The following ST8SIA6 variants were observed in gnomAD, a reference collection of about 807,000 sequenced individuals.
ST8SIA6 encodes the protein alpha-2,8-sialyltransferase 8F.
A neutral mutation model predicts 33.6 loss-of-function variants in ST8SIA6; 39 were observed. The observed-to-expected ratio is 1.16, with a 90% CI of 0.90 to 1.52. The LOEUF is 1.52. Among genes scored for constraint, ST8SIA6 ranks in the 40% most tolerant of loss-of-function variants. ST8SIA6 has a pLI of 0.00. For missense variants in ST8SIA6, 441 were observed against 443.8 expected (o/e 0.99, Z 0.06); for synonymous variants, 172 against 167.2 (o/e 1.03, Z -0.22).
chr10:17,415,453 G>C (rs988757560), intron 2 of ST8SIA6, among the ~76,000 whole-genome samples: 1 of 152,178 alleles, frequency 6.6e-6, no homozygotes, highest in African/African-American at 2.4e-5. Context: ...CAGGAGTCCA[G>C]ATGGGCTTTG....
intron 4 of ST8SIA6, among the ~76,000 whole-genome samples, chr10:17,341,260 G>A (rs940843040): frequency 3.3e-5 from 5 of 152,142 alleles, no homozygotes; most frequent in Admixed American, 6.5e-5. Flanking sequence ...GATCTGTTGT[G>A]GAAGCTTACT....
intron 2 of ST8SIA6, chr10:17,409,875 C>T (rs574484014): frequency 6.6e-6 from 1 of 152,476 alleles, no homozygotes; most frequent in African/African-American, 2.4e-5. Context: ...AACTCCATCA[C>T]AAACAAACAA....
chr10:17,359,318 A>G (rs1189487161), intron 4 of ST8SIA6, among the ~76,000 whole-genome samples, 196 bp downstream of exon 4: 2 of 152,328 alleles, frequency 1.3e-5, no homozygotes, highest in Non-Finnish European at 2.9e-5. Flanking sequence ...TTCAAACAGT[A>G]ACATAATGCA....
intron 4 of ST8SIA6, among the ~76,000 whole-genome samples, chr10:17,348,221 C>CTTTT (rs202024746): frequency 7.6e-6 from 1 of 131,830 alleles, no homozygotes; most frequent in Non-Finnish European, 1.6e-5. Context: ...GAGTAGGAAC[C>CTTTT]TTTTTTTTTT....
At chr10:17,407,473 G>A (rs1851309758) in intron 2 of ST8SIA6, among the ~76,000 whole-genome samples, 1 of 152,176 alleles carries the variant, frequency 6.6e-6, no homozygotes. Flanking sequence ...CAGATCACCA[G>A]TTACCTCACT....
chr10:17,346,629 G>C (rs1848846378), intron 4 of ST8SIA6, among the ~76,000 whole-genome samples: 1 of 152,032 alleles, frequency 6.6e-6, no homozygotes, highest in African/African-American at 2.4e-5. Flanking sequence ...AAATTCCCCA[G>C]CTGAGCCCAG....
intron 4 of ST8SIA6, among the ~76,000 whole-genome samples, chr10:17,345,364 G>C (rs997027461): frequency 6.6e-6 from 1 of 152,196 alleles, no homozygotes; most frequent in Non-Finnish European, 1.5e-5. Context: ...CCACAATCAT[G>C]CAAGCCCAAG....
chr10:17,377,311 G>C (rs4323783), intron 3 of ST8SIA6, among the ~76,000 whole-genome samples: 28,516 of 151,862 alleles, frequency 0.19, 3,034 homozygotes, highest in East Asian at 0.51. Flanking sequence ...CTCCCTTTTC[G>C]GACTTGGTCT....
chr10:17,374,661 C>T (rs537464922), intron 3 of ST8SIA6, among the ~76,000 whole-genome samples: 22 of 149,742 alleles, frequency 1.5e-4, no homozygotes, highest in African/African-American at 4.4e-4. Flanking sequence ...TTGCAGTGAG[C>T]GGAGATCGTA....
intron 3 of ST8SIA6, chr10:17,387,042 A>C (rs1850391425): frequency 6.6e-6 from 1 of 152,328 alleles, no homozygotes; most frequent in East Asian, 1.9e-4. Context: ...GCTCCAAAGA[A>C]AAGCCGGATG....
At chr10:17,323,481 G>A (rs1321048809) in intron 6 of ST8SIA6, among the ~76,000 whole-genome samples, 1 of 138,430 alleles carries the variant, frequency 7.2e-6, no homozygotes, top group East Asian at 2.3e-4. Flanking sequence ...TGCAACCTCC[G>A]CCTCTCGGAT....
chr10:17,336,979 G>T (rs2131592477), intron 4 of ST8SIA6, among the ~76,000 whole-genome samples: 1 of 152,142 alleles, frequency 6.6e-6, no homozygotes, highest in Middle Eastern at 3.4e-3. Context: ...ACATGGTTTG[G>T]GTCTGTGTCC....
chr10:17,333,698 TATATATATATATA>T (rs1848387253), intron 4 of ST8SIA6, among the ~76,000 whole-genome samples: 3 of 25,716 alleles, frequency 1.2e-4, no homozygotes, highest in African/African-American at 5.5e-4. Flanking sequence ...TATATATATA[TATATATATATATA>T]TATATATTTT....
intron 2 of ST8SIA6, among the ~76,000 whole-genome samples, chr10:17,415,803 CT>C (rs968920842): frequency 0.05 from 4,619 of 92,196 alleles, 64 homozygotes; most frequent in African/African-American, 0.12. Context: ...CCTCACTTGT[CT>C]TTTTTTTTTT....
At chr10:17,337,712 T>C (rs1365794207) in intron 4 of ST8SIA6, among the ~76,000 whole-genome samples, 2 of 152,340 alleles carry the variant, frequency 1.3e-5, no homozygotes, top group African/African-American at 4.8e-5. Flanking sequence ...CCATCACCCC[T>C]AAAGTCAGAA....
intron 2 of ST8SIA6, among the ~76,000 whole-genome samples, chr10:17,427,808 T>C (rs548136485): frequency 1.1e-4 from 16 of 152,368 alleles, no homozygotes; most frequent in Admixed American, 6.5e-4. Flanking sequence ...TGCCTGTTGA[T>C]AAGGCGATGC....
At chr10:17,327,863 C>T (rs1848184857) in intron 5 of ST8SIA6, among the ~76,000 whole-genome samples, 1 of 152,028 alleles carries the variant, frequency 6.6e-6, no homozygotes, top group Non-Finnish European at 1.5e-5. Flanking sequence ...GCCATGATTG[C>T]ACCACTGCCC....
intron 2 of ST8SIA6, among the ~76,000 whole-genome samples, chr10:17,417,400 G>A (rs2131702656): frequency 6.6e-6 from 1 of 152,152 alleles, no homozygotes; most frequent in East Asian, 1.9e-4. Flanking sequence ...GCCATGTTTA[G>A]GGCTGCTGTT....
chr10:17,397,996 G>C (rs1346790802), intron 2 of ST8SIA6, among the ~76,000 whole-genome samples: 1 of 152,210 alleles, frequency 6.6e-6, no homozygotes, highest in African/African-American at 2.4e-5. Flanking sequence ...ATAGCCAAAA[G>C]CTTAGAGACT....
Sources: gnomAD v4.1 joint callset for allele counts (sites outside exome capture counted in the v4.1 genomes callset) on GRCh38, gnomAD v4.1.1 for gene constraint, MANE v1.5 for transcripts, NCBI Gene and HGNC (gene_info 2026-07-23, HGNC 2026-07-21) for gene names.